The following PHACTR3 variants were observed in gnomAD, a reference collection of about 807,000 sequenced individuals.
PHACTR3 encodes the protein phosphatase and actin regulator 3.
In PHACTR3, 16 loss-of-function variants were observed where a neutral mutation model predicts 66.8. The ratio of observed to expected loss-of-function variants is 0.24; its 90% CI spans 0.16 to 0.36. The LOEUF (loss-of-function observed/expected upper bound fraction) is 0.36, where lower values mean the gene tolerates loss of function less well. PHACTR3 is among the 10% of genes least tolerant of loss of function. The pLI, the probability that PHACTR3 is intolerant of heterozygous loss-of-function variation, is 1.00. For missense variants in PHACTR3, 647 were observed against 719.9 expected, an observed-to-expected ratio of 0.90 and a Z score of 1.16; for synonymous variants, 323 against 292.1, an observed-to-expected ratio of 1.11 and a Z score of -1.08.
intron 1 of PHACTR3, among the ~76,000 whole-genome samples, chr20:59,739,137 A>C (rs769600294): frequency 1.3e-4 from 20 of 152,142 alleles, no homozygotes; most frequent in Non-Finnish European, 2.8e-4. Context: ...CCCTGGTTCC[A>C]CACATTTCCT....
intron 12 of PHACTR3, among the ~76,000 whole-genome samples, chr20:59,846,213 C>CAGATAA: frequency 6.6e-6 from 1 of 152,120 alleles, no homozygotes; most frequent in East Asian, 1.9e-4. Context: ...TCTGTTTGTT[C>CAGATAA]CAAAGTGGCC....
chr20:59,622,043 C>T lies in PHACTR3; in HGVS notation c.118+16911C>T, dbSNP rs143552594. ...AAGTCATTGGGAGAATGAGTCATTG[C>T]GTGTGTATGCCTGTGTGTTTGTGCA... is the stretch of plus-strand genomic sequence containing the variant. On this transcript the variant is annotated intron_variant, in intron 1 of 12. Coordinates refer to ENST00000371015, the MANE Select transcript of PHACTR3 (RefSeq NM_080672.5). Among the ~76,000 whole-genome samples the T allele has an allele frequency of 3.9e-5, 6 of 152,050 alleles. No individual in the cohort carries two copies. In the East Asian group the frequency reaches 9.7e-4, roughly 24 times the overall value.
intron 2 of PHACTR3, among the ~76,000 whole-genome samples, chr20:59,744,928 G>A (rs1207789522): frequency 6.6e-6 from 1 of 152,178 alleles, no homozygotes; most frequent in Non-Finnish European, 1.5e-5. Flanking sequence ...TCCCTCACTG[G>A]ATGCTAGGCT....
At chr20:59,589,130 G>A (rs557614397) in intron 1 of PHACTR3, among the ~76,000 whole-genome samples, 28 of 152,314 alleles carry the variant, frequency 1.8e-4, no homozygotes, top group Non-Finnish European at 3.5e-4. Context: ...GAAGTACCAG[G>A]GTAATCTTTG....
intron 1 of PHACTR3, chr20:59,676,805 A>G (rs2036462465): frequency 2.3e-6 from 2 of 873,578 alleles, no homozygotes; most frequent in African/African-American, 1.8e-5. Flanking sequence ...GGCAGAGGGC[A>G]GGGACTCTGC....
intron 4 of PHACTR3, 27 bp from the exon 5 acceptor site, chr20:59,767,159 T>TA (rs745706415): frequency 6.2e-7 from 1 of 1,613,094 alleles, no homozygotes. Context: ...AACATGTTTT[T>TA]AACTCTCTGC....
At chr20:59,630,969 G>C (rs942571912) in intron 1 of PHACTR3, among the ~76,000 whole-genome samples, 1 of 152,162 alleles carries the variant, frequency 6.6e-6, no homozygotes, top group Non-Finnish European at 1.5e-5. Context: ...GAAGGGGTGG[G>C]TCTGTGGGGT....
At chr20:59,772,477 C>G (rs1038064897) in intron 5 of PHACTR3, among the ~76,000 whole-genome samples, 4 of 152,164 alleles carry the variant, frequency 2.6e-5, no homozygotes, top group African/African-American at 9.7e-5. Context: ...TCCCAGGGGA[C>G]AGGAGACGAG....
At chr20:59,598,978 T>C (rs1308083435) in intron 1 of PHACTR3, among the ~76,000 whole-genome samples, 3 of 152,244 alleles carry the variant, frequency 2.0e-5, no homozygotes, top group Non-Finnish European at 4.4e-5. Flanking sequence ...CCTGAGATCG[T>C]GGCTTGAGCA....
chr20:59,810,208 G>A (rs2147012823), intron 8 of PHACTR3, among the ~76,000 whole-genome samples: 1 of 152,380 alleles, frequency 6.6e-6, no homozygotes, highest in East Asian at 1.9e-4. Context: ...AAGGTTGAGA[G>A]GAAGTTGGGA....
chr20:59,663,761 G>A (rs945473953), intron 1 of PHACTR3, among the ~76,000 whole-genome samples: 4 of 152,182 alleles, frequency 2.6e-5, no homozygotes, highest in Non-Finnish European at 5.9e-5. Flanking sequence ...AGGGTTCTGG[G>A]CTTCTCTGAG....
rs2059168748 is a variant in PHACTR3, at chr20:59,847,306, A to G, written c.*176A>G. 4.2e-6 allele frequency: 2 copies of G among 480,350 alleles called. No individual in the cohort carries two copies. The highest frequency in any genetic ancestry group is 7.7e-6 in the Non-Finnish European group (2 of 260,416). The allele number at this position is 480,350 out of a possible 1,614,324, so 29.8% of individuals were successfully genotyped here. On this transcript the variant is annotated 3_prime_UTR_variant, in exon 13 of 13. Coordinates refer to ENST00000371015, the MANE Select transcript of PHACTR3 (RefSeq NM_080672.5). The stretch of plus-strand genomic sequence containing the variant: ...ACACTTACCTGCAAGAGGAGTAACC[A>G]GAGGACACACTTCCTTCCTTCTTTG...
At chr20:59,621,457 G>A (rs1004343264) in intron 1 of PHACTR3, among the ~76,000 whole-genome samples, 33 of 152,228 alleles carry the variant, frequency 2.2e-4, no homozygotes, top group African/African-American at 8.0e-4. Context: ...GTCAGGGCTG[G>A]GAGCATGGTC....
At chr20:59,651,574 A>G (rs529158121) in intron 1 of PHACTR3, among the ~76,000 whole-genome samples, 1 of 152,354 alleles carries the variant, frequency 6.6e-6, no homozygotes, top group African/African-American at 2.4e-5. Context: ...ATATCTTGGC[A>G]AATGGTAAAA....
rs144242810 is a variant in PHACTR3 at position 59,752,256 on chromosome 20, G to A, written c.359-2926G>A. Among the ~76,000 whole-genome samples, 536 of 152,316 alleles carry A rather than the reference G, an allele frequency of 3.5e-3. 8 individuals are homozygous for A. Among genetic ancestry groups the A allele is most frequent in the African/African-American group, 0.012 (509 of 41,576 alleles). Reference sequence around the variant, plus strand: ...TGCTTGCACTGTGCACATGTGCCACGACACACGTGTGTGCCTGCGTGTGCA... The same window carrying A: ...TGCTTGCACTGTGCACATGTGCCACAACACACGTGTGTGCCTGCGTGTGCA... On this transcript the variant is annotated intron_variant, in intron 3 of 12. Coordinates refer to ENST00000371015, the MANE Select transcript of PHACTR3 (RefSeq NM_080672.5).
intron 6 of PHACTR3, 56 bp from the exon 7 acceptor site, chr20:59,774,187 G>T: frequency 1.3e-6 from 2 of 1,521,012 alleles, no homozygotes; most frequent in Non-Finnish European, 1.8e-6. Context: ...AGTCAATCGT[G>T]CTGGGTTTCT....
Position 59,736,534 on chromosome 20 carries a change from A to C in PHACTR3, c.119-6573A>C, listed in dbSNP as rs2038951642. On this transcript the variant is annotated intron_variant, in intron 1 of 12. Transcript: ENST00000371015. This position sits in a 1 kb window ranked among gnomAD's most constrained non-coding sequence, Gnocchi z 4.6. Reference sequence around the variant, plus strand: ...TGGCTCCGCAGGTGCTCACCCGCCCACCCGTGTAGGTGCACACCCACCCAT... The same window carrying C: ...TGGCTCCGCAGGTGCTCACCCGCCCCCCCGTGTAGGTGCACACCCACCCAT... Among the ~76,000 whole-genome samples the C allele has an allele frequency of 9.7e-6, 1 of 103,104 alleles. No homozygotes were observed. Among genetic ancestry groups the C allele is most frequent in the Non-Finnish European group, 1.9e-5 (1 of 51,934 alleles). 67.6% of individuals were successfully genotyped at this position (103,104 alleles called of 152,430 possible).
At chr20:59,581,510 T>C (rs1370106873) in intron 1 of PHACTR3, among the ~76,000 whole-genome samples, 2 of 152,200 alleles carry the variant, frequency 1.3e-5, no homozygotes, top group Non-Finnish European at 2.9e-5. Context: ...AGGACTGCTG[T>C]CTGCTGGTGA....
intron 1 of PHACTR3, among the ~76,000 whole-genome samples, chr20:59,596,454 C>T (rs867659515): frequency 3.9e-5 from 6 of 152,172 alleles, no homozygotes; most frequent in South Asian, 2.1e-4. Context: ...GGTACTGAAC[C>T]TTCTGTAAAT....
Sources: allele counts gnomAD v4.1 joint callset (sites outside exome capture counted in the v4.1 genomes callset), GRCh38; gene constraint gnomAD v4.1.1; non-coding constraint Gnocchi (gnomAD v3.1); transcripts MANE v1.5; gene names NCBI Gene and HGNC (gene_info 2026-07-23, HGNC 2026-07-21).